EMP2: variants seen among roughly 807,000 people sequenced by gnomAD.
EMP2 encodes the protein epithelial membrane protein 2.
EMP2 carries 19 observed loss-of-function variants against 13.7 expected under a neutral mutation model. The ratio of observed to expected loss-of-function variants is 1.38; its 90% CI spans 0.97 to 2.03. EMP2 has a LOEUF of 2.03. Ranked by LOEUF, EMP2 falls within the 30% of genes most tolerant of loss-of-function variation. The pLI, the probability that EMP2 is intolerant of heterozygous loss-of-function variation, is 0.00. For synonymous variants in EMP2, 97 were observed against 84.7 expected, an observed-to-expected ratio of 1.15 and a Z score of -0.80; for missense variants, 253 against 220.7, an observed-to-expected ratio of 1.15 and a Z score of -0.93.
At position 10,531,167 on chromosome 16, in the gene EMP2, T is replaced by A. The variant is rs2050597994; in HGVS notation, c.*1738A>T. ...TGTTGTATTTTCGGTAGAGACGGGGTTTCACCATGTTGGCCAGGCTGGTCT... is the reference window on the plus strand; with the variant it reads ...TGTTGTATTTTCGGTAGAGACGGGGATTCACCATGTTGGCCAGGCTGGTCT... On this transcript the variant is annotated 3_prime_UTR_variant, in exon 5 of 5. Transcript: ENST00000359543. 6.6e-6 allele frequency: 1 copy of A among 151,754 alleles called. No homozygotes were observed. Among genetic ancestry groups the A allele is most frequent in the Admixed American group, 6.6e-5 (1 of 15,234 alleles). 9.4% of individuals were successfully genotyped at this position (151,754 alleles called of 1,614,324 possible). A position where few individuals can be genotyped will look rare whatever the true frequency, so the allele number is the denominator to read the frequency against.
intron 1 of EMP2, among the ~76,000 whole-genome samples, chr16:10,563,210 G>A (rs984948722): frequency 6.6e-6 from 1 of 151,084 alleles, no homozygotes; most frequent in Non-Finnish European, 1.5e-5. Context: ...TTATTATTTT[G>A]AGATGGAGTC....
At chr16:10,578,074 G>T (rs1253267125) in intron 1 of EMP2, 2 of 151,970 alleles carry the variant, frequency 1.3e-5, no homozygotes, top group Non-Finnish European at 2.9e-5. Flanking sequence ...GGCCTGGAAG[G>T]ACATTTATAT....
rs1288453317 is a variant in EMP2, at chr16:10,528,440, A to C, written c.*4465T>G. 1.3e-5 allele frequency: 2 copies of C among 152,188 alleles called. No homozygotes were observed. The highest frequency in any genetic ancestry group is 4.1e-4 in the South Asian group (2 of 4,832). The allele number at this position is 152,188 out of a possible 1,614,324, so 9.4% of individuals were successfully genotyped here. On this transcript the variant is annotated 3_prime_UTR_variant, in exon 5 of 5. Coordinates refer to ENST00000359543, the MANE Select transcript of EMP2 (RefSeq NM_001424.6). ...GAGATTGTCCAGTGATAAATTGTCC[A>C]TTTATCAGTTGCTTAGTGTAAAAAC...
chr16:10,542,712 A>G (rs937435970), intron 3 of EMP2, among the ~76,000 whole-genome samples: 3 of 152,222 alleles, frequency 2.0e-5, no homozygotes, highest in Admixed American at 2.0e-4. Flanking sequence ...AAGCCTTTTC[A>G]TGTATTTTAG....
At chr16:10,549,620 T>C (rs1300256806) in intron 1 of EMP2, among the ~76,000 whole-genome samples, 1 of 151,652 alleles carries the variant, frequency 6.6e-6, no homozygotes, top group South Asian at 2.1e-4. Flanking sequence ...GGAAAAAAAT[T>C]AATTTGTAGT....
chr16:10,537,821 T>A, intron 4 of EMP2, 107 bp downstream of exon 4: 1 of 1,491,710 alleles, frequency 6.7e-7, no homozygotes, highest in East Asian at 2.3e-5. Context: ...CGGCTGCCAA[T>A]TTCTCCTTTC....
chr16:10,577,598 C>T lies in EMP2; in HGVS notation c.-61+2951G>A, dbSNP rs74007160. 5.6e-3 allele frequency among the ~76,000 whole-genome samples: 850 copies of T among 152,274 alleles called. 7 individuals are homozygous for T. Among genetic ancestry groups the T allele is most frequent in the African/African-American group, 0.019 (796 of 41,548 alleles). ...ATTCCTTCCCTGCACATGCTGAGGC[C>T]ATCGTCCAAGAGTCAGGCCTCCATC... On this transcript the variant is annotated intron_variant, in intron 1 of 4. Coordinates refer to ENST00000359543, the MANE Select transcript of EMP2 (RefSeq NM_001424.6).
chr16:10,551,667 G>A (rs566135247), intron 1 of EMP2, among the ~76,000 whole-genome samples: 5 of 152,146 alleles, frequency 3.3e-5, no homozygotes, highest in African/African-American at 1.2e-4. Context: ...TTGGTCTCCC[G>A]AAGTGCTGGG....
chr16:10,566,017 T>G (rs1057500486), intron 1 of EMP2, among the ~76,000 whole-genome samples: 1 of 152,182 alleles, frequency 6.6e-6, no homozygotes, highest in African/African-American at 2.4e-5. Flanking sequence ...GGTGTGACCA[T>G]GAGAACACAC....
rs370615407 is a variant in EMP2, at chr16:10,542,090, C to T, written c.169+1480G>A. Among the ~76,000 whole-genome samples the T allele has an allele frequency of 5.9e-5, 9 of 152,172 alleles. No homozygotes were observed. The East Asian group carries it at 1.7e-3, about 29-fold the overall frequency. On this transcript the variant is annotated intron_variant, in intron 3 of 4. Coordinates refer to ENST00000359543, the MANE Select transcript of EMP2 (RefSeq NM_001424.6). ...AAAACAAACACAAAGACAGGATGCC[C>T]AGTACATGAATATCCGATGGACAAC...
chr16:10,560,920 C>A (rs1179328434), intron 1 of EMP2, among the ~76,000 whole-genome samples: 1 of 152,184 alleles, frequency 6.6e-6, no homozygotes, highest in Non-Finnish European at 1.5e-5. Flanking sequence ...CAAAGGAGAG[C>A]AAATGTTATC....
At chr16:10,565,479 C>A (rs577220771) in intron 1 of EMP2, among the ~76,000 whole-genome samples, 2 of 152,362 alleles carry the variant, frequency 1.3e-5, no homozygotes, top group Admixed American at 1.3e-4. Context: ...CCATGGGTCT[C>A]CAAGCCTGCT....
At chr16:10,539,470 C>T (rs947148863) in intron 3 of EMP2, among the ~76,000 whole-genome samples, 34 of 152,114 alleles carry the variant, frequency 2.2e-4, no homozygotes, top group African/African-American at 8.2e-4. Flanking sequence ...CACATGACCC[C>T]ATTCCCATGA....
chr16:10,547,469 G>C, intron 2 of EMP2, 71 bp downstream of exon 2: 1 of 1,517,834 alleles, frequency 6.6e-7, no homozygotes, highest in Non-Finnish European at 9.1e-7. Flanking sequence ...CATGAGAACA[G>C]ACCAATACAA....
rs1596371444 is a variant in EMP2, at chr16:10,543,487, G to GA, written c.169+82dup. 3 of 1,466,244 alleles carry GA rather than the reference G, an allele frequency of 2.0e-6. No homozygotes were observed. In the East Asian group the frequency reaches 6.8e-5, roughly 33 times the overall value. 90.8% of individuals were successfully genotyped at this position (1,466,244 alleles called of 1,614,324 possible). On this transcript the variant is annotated intron_variant, in intron 3 of 4. Coordinates refer to ENST00000359543, the MANE Select transcript of EMP2 (RefSeq NM_001424.6). ...TGCAGTGAGTGGAGGAGAGGGTACGGAGTCGGGGAACCCGAAGCCTCACTC... is the reference window on the plus strand; with the variant it reads ...TGCAGTGAGTGGAGGAGAGGGTACGGAAGTCGGGGAACCCGAAGCCTCACTC...
chr16:10,563,494 T>C (rs1424435944), intron 1 of EMP2, among the ~76,000 whole-genome samples: 3 of 152,166 alleles, frequency 2.0e-5, no homozygotes, highest in African/African-American at 7.2e-5. Context: ...ACCCAGCTAC[T>C]TTTTCCTCTT....
intron 1 of EMP2, among the ~76,000 whole-genome samples, chr16:10,562,166 A>C (rs2050875825): frequency 6.6e-6 from 1 of 152,200 alleles, no homozygotes; most frequent in Non-Finnish European, 1.5e-5. Flanking sequence ...GTGAAAAAAA[A>C]ATTAAACAAA....
chr16:10,550,974 CA>C (rs59602519), intron 1 of EMP2, among the ~76,000 whole-genome samples: 38 of 143,762 alleles, frequency 2.6e-4, no homozygotes, highest in South Asian at 4.5e-4. Flanking sequence ...GATTCCATCT[CA>C]AAAAAAAAAA....
chr16:10,532,878 C>G lies in EMP2; in HGVS notation c.*27G>C. 7.3e-7 allele frequency: 1 copy of G among 1,377,946 alleles called. No homozygotes were observed. The highest frequency in any genetic ancestry group is 9.5e-7 in the Non-Finnish European group (1 of 1,051,474). The allele number at this position is 1,377,946 out of a possible 1,614,324, so 85.4% of individuals were successfully genotyped here. On this transcript the variant is annotated 3_prime_UTR_variant, in exon 5 of 5. Transcript: ENST00000359543. ...TTATCTGAATGTGGATTCTGTACTG[C>G]AGCAGAAGCAACCCAGCTCCGGAAC...
Sources: gnomAD v4.1 joint callset for allele counts (sites outside exome capture counted in the v4.1 genomes callset) on GRCh38, gnomAD v4.1.1 for gene constraint, MANE v1.5 for transcripts, NCBI Gene and HGNC (gene_info 2026-07-23, HGNC 2026-07-21) for gene names.